HECW2: variants seen among roughly 807,000 people sequenced by gnomAD.
HECW2 encodes the protein E3 ubiquitin-protein ligase HECW2.
A neutral mutation model predicts 175.2 loss-of-function variants in HECW2; 61 were observed. The ratio of observed to expected loss-of-function variants is 0.35; its 90% CI spans 0.28 to 0.43. The LOEUF is 0.43. HECW2 is among the 20% of genes least tolerant of loss of function. HECW2 has a pLI of 1.00. For missense variants in HECW2, 1,524 were observed against 2,000.5 expected (o/e 0.76, Z 4.54); for synonymous variants, 671 against 731.0 (o/e 0.92, Z 1.32).
Position 196,408,044 on chromosome 2 carries a change from G to C in HECW2, c.292+25088C>G, listed in dbSNP as rs144102775. 7.5e-4 allele frequency among the ~76,000 whole-genome samples: 114 copies of C among 152,332 alleles called. No individual in the cohort carries two copies. The East Asian group carries it at 0.016, about 22-fold the overall frequency. On this transcript the variant is annotated intron_variant, in intron 2 of 28. Transcript: ENST00000644978. ...AGTTTCACACCATCCAGCACCTTCT[G>C]AGTCTTTCACTGACAATGTATGTGC...
At chr2:196,401,545 T>C (rs965289452) in intron 2 of HECW2, among the ~76,000 whole-genome samples, 1 of 152,220 alleles carries the variant, frequency 6.6e-6, no homozygotes, top group African/African-American at 2.4e-5. Context: ...AGAATTTTTC[T>C]TTAAAAACGC....
intron 4 of HECW2, among the ~76,000 whole-genome samples, chr2:196,330,768 T>A (rs749742949): frequency 6.6e-6 from 1 of 151,972 alleles, no homozygotes; most frequent in Admixed American, 6.6e-5. Context: ...TAAATTTCCA[T>A]CTGCCAATCC....
intron 1 of HECW2, among the ~76,000 whole-genome samples, chr2:196,507,295 G>C (rs1236847654): frequency 1.3e-5 from 2 of 150,930 alleles, no homozygotes; most frequent in Non-Finnish European, 3.0e-5. Context: ...TACCTTTTTT[G>C]AGGTAAGTAA....
At chr2:196,559,097 C>T (rs1275446461) in intron 1 of HECW2, among the ~76,000 whole-genome samples, 1 of 152,088 alleles carries the variant, frequency 6.6e-6, no homozygotes, top group African/African-American at 2.4e-5. Context: ...GGTTGCAGAA[C>T]TAATAAGCAG....
chr2:196,307,518 A>G (rs989899834), intron 11 of HECW2, among the ~76,000 whole-genome samples: 2 of 152,126 alleles, frequency 1.3e-5, no homozygotes, highest in Non-Finnish European at 2.9e-5. Flanking sequence ...AGGAAAAAAA[A>G]CTTTATGTTC....
At chr2:196,285,186 CT>C (rs1690338586) in intron 14 of HECW2, among the ~76,000 whole-genome samples, 1 of 151,970 alleles carries the variant, frequency 6.6e-6, no homozygotes, top group Non-Finnish European at 1.5e-5. Flanking sequence ...TTTAAAAAAA[CT>C]TCTATTATTT....
At chr2:196,271,348 T>A in intron 16 of HECW2, 59 bp from the exon 17 acceptor site, 1 of 1,284,848 alleles carries the variant, frequency 7.8e-7, no homozygotes, top group Non-Finnish European at 1.1e-6. Flanking sequence ...TAGTTTTATG[T>A]ATATAAATCC....
intron 17 of HECW2, among the ~76,000 whole-genome samples, chr2:196,265,262 A>C (rs1575322710): frequency 6.6e-6 from 1 of 152,236 alleles, no homozygotes; most frequent in Admixed American, 6.5e-5. Flanking sequence ...AGGAAGGCAG[A>C]TCACTTGAGG....
intron 1 of HECW2, among the ~76,000 whole-genome samples, chr2:196,569,811 T>G (rs534653240): frequency 6.6e-6 from 1 of 152,368 alleles, no homozygotes; most frequent in South Asian, 2.1e-4. Context: ...CAAATGAGAA[T>G]AACACCTATA....
chr2:196,333,235 G>C (rs1692433415), intron 4 of HECW2, among the ~76,000 whole-genome samples: 1 of 151,870 alleles, frequency 6.6e-6, no homozygotes, highest in African/African-American at 2.4e-5. Flanking sequence ...TTCTGCACCA[G>C]ACCTACGAGA....
chr2:196,292,794 T>C (rs765154388), intron 13 of HECW2, 44 bp from the exon 14 acceptor site: 2 of 1,491,006 alleles, frequency 1.3e-6, no homozygotes, highest in African/African-American at 2.8e-5. Context: ...ACTTGTGACA[T>C]GCAGAAGCAC....
At chr2:196,481,703 C>T (rs1028280962) in intron 1 of HECW2, among the ~76,000 whole-genome samples, 10 of 152,196 alleles carry the variant, frequency 6.6e-5, no homozygotes, top group African/African-American at 2.2e-4. Flanking sequence ...ATAACTATCA[C>T]AAGAATCAGA....
At chr2:196,226,639 G>A (rs1687861394) in intron 22 of HECW2, among the ~76,000 whole-genome samples, 1 of 152,140 alleles carries the variant, frequency 6.6e-6, no homozygotes, top group Non-Finnish European at 1.5e-5. Context: ...GACCTCTGGA[G>A]GTGGGGAAAA....
chr2:196,279,463 A>T (rs1158540877), intron 14 of HECW2, among the ~76,000 whole-genome samples: 1 of 152,092 alleles, frequency 6.6e-6, no homozygotes, highest in Admixed American at 6.6e-5. Context: ...CCCAGCCTGA[A>T]CACCACCCCA....
chr2:196,262,784 C>T (rs1689352508), intron 17 of HECW2, among the ~76,000 whole-genome samples: 2 of 152,146 alleles, frequency 1.3e-5, no homozygotes, highest in Admixed American at 6.5e-5. Flanking sequence ...AGGTGAACTC[C>T]TGACCTCAAG....
intron 28 of HECW2, 81 bp downstream of exon 28, chr2:196,215,784 G>T: frequency 1.0e-6 from 1 of 954,688 alleles, no homozygotes; most frequent in Non-Finnish European, 1.6e-6. Context: ...TAATATAAAA[G>T]CAGTAATTAA....
intron 19 of HECW2, among the ~76,000 whole-genome samples, chr2:196,245,890 A>G (rs1041080255): frequency 2.0e-5 from 3 of 152,200 alleles, no homozygotes; most frequent in Non-Finnish European, 2.9e-5. Context: ...AAAAATTCCA[A>G]TGTTCAGGCC....
chr2:196,485,023 A>G (rs1575597289), intron 1 of HECW2, among the ~76,000 whole-genome samples: 1 of 152,234 alleles, frequency 6.6e-6, no homozygotes, highest in African/African-American at 2.4e-5. Flanking sequence ...GCAGGGGAGA[A>G]GAGGACAGAG....
intron 13 of HECW2, among the ~76,000 whole-genome samples, chr2:196,301,388 T>G (rs548686704): frequency 5.9e-5 from 9 of 152,356 alleles, no homozygotes; most frequent in African/African-American, 1.9e-4. Context: ...TTTAGTTATA[T>G]AACCAGTGAT....
Sources: gnomAD v4.1 joint callset for allele counts (sites outside exome capture counted in the v4.1 genomes callset) on GRCh38, gnomAD v4.1.1 for gene constraint, MANE v1.5 for transcripts, NCBI Gene and HGNC (gene_info 2026-07-23, HGNC 2026-07-21) for gene names.